The following SHISA9 variants were observed in gnomAD, a reference collection of about 807,000 sequenced individuals.
SHISA9 encodes the protein shisa family member 9.
SHISA9 carries 13 observed loss-of-function variants against 38.0 expected under a neutral mutation model. That is an observed-to-expected ratio of 0.34 (90% CI 0.22 to 0.54). The LOEUF (loss-of-function observed/expected upper bound fraction) is 0.54. Ranked by LOEUF, SHISA9 falls within the 20% of genes least tolerant of loss-of-function variation. SHISA9 has a pLI of 0.91. For synonymous variants in SHISA9, 275 were observed against 242.0 expected (o/e 1.14, Z -1.27); for missense variants, 538 against 575.8 (o/e 0.93, Z 0.67).
chr16:12,907,937 T>C (rs1238361884), intron 1 of SHISA9, among the ~76,000 whole-genome samples: 2 of 152,326 alleles, frequency 1.3e-5, no homozygotes, highest in South Asian at 2.1e-4. Flanking sequence ...CTGCAGCCTC[T>C]AGAGAGTCAG....
chr16:13,138,416 G>T (rs893332154), intron 2 of SHISA9, among the ~76,000 whole-genome samples: 3 of 152,096 alleles, frequency 2.0e-5, no homozygotes, highest in Admixed American at 2.0e-4. Flanking sequence ...TTATAATCAG[G>T]ATGGCTACTT....
At chr16:13,500,228 C>G in the SHISA9 span, among the ~76,000 whole-genome samples, 1 of 152,190 alleles carries the variant, frequency 6.6e-6, no homozygotes, top group South Asian at 2.1e-4. Context: ...TTTTCTCTCT[C>G]TTGCCGCCAT....
chr16:13,369,286 A>C, the SHISA9 span, among the ~76,000 whole-genome samples: 3,529 of 152,278 alleles, frequency 0.023, 55 homozygotes, highest in Non-Finnish European at 0.037. Flanking sequence ...GGAGAACATT[A>C]GGGCTACGAG....
At chr16:12,965,712 G>A (rs574971924) in intron 2 of SHISA9, among the ~76,000 whole-genome samples, 3 of 152,300 alleles carry the variant, frequency 2.0e-5, no homozygotes, top group Admixed American at 6.5e-5. Flanking sequence ...TGGTGTTTTC[G>A]AGTTTGAGTA....
the SHISA9 span, among the ~76,000 whole-genome samples, chr16:13,490,059 T>C: frequency 3.3e-5 from 5 of 152,142 alleles, no homozygotes; most frequent in Middle Eastern, 3.2e-3. Flanking sequence ...CAATTTCATA[T>C]GGTAGGAACA....
intron 2 of SHISA9, among the ~76,000 whole-genome samples, chr16:13,016,996 T>C (rs2072765161): frequency 6.6e-6 from 1 of 151,926 alleles, no homozygotes; most frequent in Non-Finnish European, 1.5e-5. Flanking sequence ...CCTTTCTTCT[T>C]CTTCTTCTTT....
intron 2 of SHISA9, among the ~76,000 whole-genome samples, chr16:13,065,990 G>T (rs1432120048): frequency 6.6e-6 from 1 of 152,196 alleles, no homozygotes; most frequent in African/African-American, 2.4e-5. Context: ...AAAGGCTAGG[G>T]TTCAAACCCA....
chr16:13,225,323 A>G (rs1178244656), intron 4 of SHISA9, among the ~76,000 whole-genome samples: 2 of 152,176 alleles, frequency 1.3e-5, no homozygotes, highest in South Asian at 2.1e-4. Context: ...GTTTTAAGCC[A>G]TCAAGTTTGT....
At chr16:12,982,967 A>T (rs1395804184) in intron 2 of SHISA9, among the ~76,000 whole-genome samples, 1 of 152,230 alleles carries the variant, frequency 6.6e-6, no homozygotes, top group Non-Finnish European at 1.5e-5. Context: ...GTAAGAAGCC[A>T]ATTAGGCTAT....
At chr16:13,534,687 C>G in the SHISA9 span, among the ~76,000 whole-genome samples, 1 of 152,186 alleles carries the variant, frequency 6.6e-6, no homozygotes, top group Non-Finnish European at 1.5e-5. Flanking sequence ...AGATGCCACA[C>G]TCTTCTTCAG....
intron 2 of SHISA9, among the ~76,000 whole-genome samples, chr16:12,988,341 T>C (rs1265762575): frequency 1.3e-5 from 2 of 152,202 alleles, no homozygotes; most frequent in African/African-American, 4.8e-5. Context: ...GTCGTCCCCT[T>C]CTGCCAGTTG....
intron 2 of SHISA9, among the ~76,000 whole-genome samples, chr16:13,155,588 TG>T (rs1567230059): frequency 7.7e-6 from 1 of 129,196 alleles, no homozygotes; most frequent in African/African-American, 2.8e-5. Context: ...TTTGTGTGTG[TG>T]GTGTGTGTGT....
the SHISA9 span, chr16:13,331,367 C>CTTTAATATGATTTTTAAATCATTTAAA: frequency 2.6e-5 from 4 of 151,396 alleles, no homozygotes; most frequent in African/African-American, 9.7e-5. Flanking sequence ...AAAAACTCCT[C>CTTTAATATGATTTTTAAATCATTTAAA]TTTAATATGA....
intron 2 of SHISA9, among the ~76,000 whole-genome samples, chr16:13,083,323 T>A (rs896523869): frequency 6.6e-6 from 1 of 152,152 alleles, no homozygotes; most frequent in Non-Finnish European, 1.5e-5. Context: ...ACAATGATCA[T>A]AGAAGTGCAT....
intron 2 of SHISA9, among the ~76,000 whole-genome samples, chr16:13,030,078 C>A (rs746106912): frequency 6.6e-6 from 1 of 152,196 alleles, no homozygotes; most frequent in Admixed American, 6.5e-5. Flanking sequence ...AGCACTTGAT[C>A]AATGTCGTTT....
At chr16:13,506,241 C>G in the SHISA9 span, among the ~76,000 whole-genome samples, 1 of 152,116 alleles carries the variant, frequency 6.6e-6, no homozygotes, top group African/African-American at 2.4e-5. Flanking sequence ...TACTCGACAA[C>G]TATATCCTGA....
At chr16:13,470,042 G>A in the SHISA9 span, among the ~76,000 whole-genome samples, 3 of 152,134 alleles carry the variant, frequency 2.0e-5, no homozygotes, top group South Asian at 2.1e-4. Flanking sequence ...ATCAAATGAG[G>A]TGTTTGTATT....
intron 1 of SHISA9, among the ~76,000 whole-genome samples, chr16:12,903,796 G>A (rs1022047960): frequency 6.6e-6 from 1 of 152,206 alleles, no homozygotes; most frequent in Non-Finnish European, 1.5e-5. Flanking sequence ...CCTCTGCCGG[G>A]GGCCTGTGTG....
chr16:13,479,137 C>G, the SHISA9 span, among the ~76,000 whole-genome samples: 14 of 152,146 alleles, frequency 9.2e-5, no homozygotes, highest in African/African-American at 3.4e-4. Context: ...GGCTTATGGT[C>G]CTGCACGGCG....
Sources: gnomAD v4.1 joint callset for allele counts (sites outside exome capture counted in the v4.1 genomes callset) on GRCh38, gnomAD v4.1.1 for gene constraint, MANE v1.5 for transcripts, NCBI Gene and HGNC (gene_info 2026-07-23, HGNC 2026-07-21) for gene names.